PCDH15: variants seen among roughly 807,000 people sequenced by gnomAD.
PCDH15 encodes the protein protocadherin related 15, also known as protocadherin-15.
In PCDH15, 129 loss-of-function variants were observed where a neutral mutation model predicts 178.5. The observed-to-expected ratio is 0.72, with a 90% confidence interval of 0.63 to 0.84. PCDH15 has a LOEUF of 0.84. Ranked by LOEUF, PCDH15 falls within the 40% of genes least tolerant of loss-of-function variation. The pLI is 0.00. For synonymous variants in PCDH15, 800 were observed against 732.0 expected (o/e 1.09, Z -1.50); for missense variants, 2,230 against 2,099.9 (o/e 1.06, Z -1.21).
intron 2 of PCDH15, among the ~76,000 whole-genome samples, chr10:55,580,704 C>A (rs539879732): frequency 6.6e-5 from 10 of 152,142 alleles, no homozygotes; most frequent in Admixed American, 2.6e-4. Flanking sequence ...AGTGTTCATA[C>A]ACATCTATGA....
rs1333081442 is a variant in PCDH15 at position 53,811,627 on chromosome 10, T to C, written c.4492-8A>G. On this transcript the variant is annotated splice_region_variant and splice_polypyrimidine_tract_variant and intron_variant, in intron 35 of 37. Transcript: ENST00000644397. ...AGACTCCATGGATAATTCCTATTGT[T>C]CAAAAAGAAAAATTGCATTTGAAAA... 6.5e-7 allele frequency: 1 copy of C among 1,532,402 alleles called. No individual in the cohort carries two copies. The highest frequency in any genetic ancestry group is 8.8e-7 in the Non-Finnish European group (1 of 1,138,170). The allele number at this position is 1,532,402 out of a possible 1,614,324, so 94.9% of individuals were successfully genotyped here. A position where few individuals can be genotyped will look rare whatever the true frequency, so the allele number is the denominator to read the frequency against.
intron 15 of PCDH15, among the ~76,000 whole-genome samples, chr10:54,099,111 A>T: frequency 6.6e-6 from 1 of 152,282 alleles, no homozygotes; most frequent in African/African-American, 2.4e-5. Flanking sequence ...GTAAAATAAT[A>T]AAGTTATCCG....
intron 2 of PCDH15, among the ~76,000 whole-genome samples, chr10:55,327,455 G>A (rs1012082084): frequency 7.9e-5 from 12 of 152,002 alleles, no homozygotes; most frequent in Non-Finnish European, 1.5e-4. Flanking sequence ...AAAATGTTGA[G>A]GCTGTTATCA....
At chr10:54,725,359 C>G (rs965262843) in intron 1 of PCDH15, among the ~76,000 whole-genome samples, 1 of 150,180 alleles carries the variant, frequency 6.7e-6, no homozygotes, top group African/African-American at 2.4e-5. Flanking sequence ...TAGTAATGAA[C>G]TGAAGTTTAA....
chr10:54,486,455 T>C (rs1355238761), intron 3 of PCDH15: 1 of 152,092 alleles, frequency 6.6e-6, no homozygotes, highest in Non-Finnish European at 1.5e-5. Flanking sequence ...TTTGTACTTA[T>C]GATGTATAAT....
chr10:54,411,132 G>A (rs1023465335), intron 3 of PCDH15, among the ~76,000 whole-genome samples: 9 of 152,164 alleles, frequency 5.9e-5, no homozygotes, highest in African/African-American at 1.9e-4. Flanking sequence ...TAACAGGTAT[G>A]ATCTAGGCTG....
At chr10:54,385,280 C>T (rs1377569179) in intron 3 of PCDH15, among the ~76,000 whole-genome samples, 1 of 152,006 alleles carries the variant, frequency 6.6e-6, no homozygotes, top group African/African-American at 2.4e-5. Context: ...ATTAACAATT[C>T]TGTAAACAAT....
At chr10:55,408,149 A>G (rs901557439) in intron 2 of PCDH15, among the ~76,000 whole-genome samples, 3 of 151,436 alleles carry the variant, frequency 2.0e-5, no homozygotes, top group African/African-American at 7.3e-5. Context: ...AAAACCACTA[A>G]CTCATGTTAT....
intron 2 of PCDH15, among the ~76,000 whole-genome samples, chr10:55,521,608 A>G (rs952160010): frequency 2.0e-5 from 3 of 151,982 alleles, no homozygotes; most frequent in Non-Finnish European, 4.4e-5. Flanking sequence ...GTCCACAGAT[A>G]CTTTGATTGT....
chr10:54,957,860 CAATT>C (rs1838530974), intron 2 of PCDH15, among the ~76,000 whole-genome samples: 1 of 151,636 alleles, frequency 6.6e-6, no homozygotes, highest in African/African-American at 2.4e-5. Context: ...AGGAAAATGA[CAATT>C]AAACACATGG....
At chr10:54,015,488 T>C (rs1039206498) in intron 20 of PCDH15, among the ~76,000 whole-genome samples, 4 of 152,194 alleles carry the variant, frequency 2.6e-5, no homozygotes, top group African/African-American at 7.2e-5. Context: ...TCACATTTCT[T>C]GACTTCAAAC....
intron 2 of PCDH15, among the ~76,000 whole-genome samples, chr10:55,165,397 A>C (rs1222362771): frequency 6.6e-6 from 1 of 151,932 alleles, no homozygotes; most frequent in African/African-American, 2.4e-5. Context: ...GCAGAGAAGG[A>C]CCTATAGCAC....
intron 21 of PCDH15, among the ~76,000 whole-genome samples, chr10:53,985,696 C>A (rs746785072): frequency 3.3e-5 from 5 of 152,044 alleles, no homozygotes; most frequent in Non-Finnish European, 7.4e-5. Context: ...AGGCATAGCA[C>A]CTTCCTGACT....
intron 2 of PCDH15, among the ~76,000 whole-genome samples, chr10:54,617,151 C>T (rs1185983065): frequency 1.9e-5 from 2 of 107,398 alleles, no homozygotes; most frequent in Admixed American, 9.5e-5. Context: ...CAGCCTTGGC[C>T]TCCCAAATGC....
intron 11 of PCDH15, 56 bp from the exon 12 acceptor site, chr10:54,185,324 TC>T: frequency 6.3e-7 from 1 of 1,593,340 alleles, no homozygotes; most frequent in Non-Finnish European, 8.6e-7. Context: ...AGCTATTAGT[TC>T]ATTACCTAGA....
intron 2 of PCDH15, among the ~76,000 whole-genome samples, chr10:55,499,321 A>C (rs544031948): frequency 2.0e-5 from 3 of 151,724 alleles, no homozygotes; most frequent in African/African-American, 7.2e-5. Context: ...AATACATTTG[A>C]ATACAAAAAC....
intron 2 of PCDH15, among the ~76,000 whole-genome samples, chr10:54,550,114 A>T (rs2086384237): frequency 6.6e-6 from 1 of 152,140 alleles, no homozygotes; most frequent in African/African-American, 2.4e-5. Flanking sequence ...CAATAGACTC[A>T]TGCTTTCTTA....
intron 3 of PCDH15, among the ~76,000 whole-genome samples, chr10:54,436,879 C>T (rs1036660833): frequency 1.3e-5 from 2 of 152,064 alleles, no homozygotes; most frequent in Non-Finnish European, 2.9e-5. Context: ...AGATATTAAC[C>T]AAAATGCACA....
intron 15 of PCDH15, among the ~76,000 whole-genome samples, chr10:54,112,919 C>T (rs556181236): frequency 6.6e-6 from 1 of 152,126 alleles, no homozygotes; most frequent in Non-Finnish European, 1.5e-5. Context: ...GTTACGTAGA[C>T]TGAAGTTTTC....
Sources: gnomAD v4.1 joint callset for allele counts (sites outside exome capture counted in the v4.1 genomes callset) on GRCh38, gnomAD v4.1.1 for gene constraint, MANE v1.5 for transcripts, NCBI Gene and HGNC (gene_info 2026-07-23, HGNC 2026-07-21) for gene names.